The following MAGI1 variants were observed in gnomAD, a reference collection of about 807,000 sequenced individuals.
The protein encoded by MAGI1 is membrane associated guanylate kinase, WW and PDZ domain containing 1.
MAGI1 carries 58 observed loss-of-function variants against 139.9 expected under a neutral mutation model. That is an observed-to-expected ratio of 0.41 (90% CI 0.34 to 0.52). The LOEUF is 0.52. Among genes scored for constraint, MAGI1 ranks in the 20% least tolerant of loss-of-function variants. The pLI is 0.12. For synonymous variants in MAGI1, 812 were observed against 737.9 expected, an observed-to-expected ratio of 1.10 and a Z score of -1.63; for missense variants, 1,874 against 1,901.6, an observed-to-expected ratio of 0.99 and a Z score of 0.27.
chr3:65,765,558 G>A (rs1472377829), intron 1 of MAGI1, among the ~76,000 whole-genome samples: 4 of 152,240 alleles, frequency 2.6e-5, no homozygotes, highest in Non-Finnish European at 4.4e-5. Context: ...GTCAGGATTC[G>A]GGCCCAGGAC....
chr3:65,696,702 T>C (rs935204373), intron 1 of MAGI1, among the ~76,000 whole-genome samples: 1 of 152,080 alleles, frequency 6.6e-6, no homozygotes, highest in African/African-American at 2.4e-5. Flanking sequence ...AAATATACAT[T>C]TGGATTCTCA....
At chr3:65,916,670 G>A (rs549505648) in intron 1 of MAGI1, among the ~76,000 whole-genome samples, 40 of 152,090 alleles carry the variant, frequency 2.6e-4, no homozygotes, top group Admixed American at 5.9e-4. Context: ...ATTTGGGTGG[G>A]GACACAGCCA....
chr3:65,798,837 C>A (rs560821405), intron 1 of MAGI1, among the ~76,000 whole-genome samples: 6 of 152,272 alleles, frequency 3.9e-5, no homozygotes, highest in African/African-American at 1.4e-4. Flanking sequence ...GTGATGAAAT[C>A]TCTCACCATT....
At chr3:65,785,979 C>T (rs1181386320) in intron 1 of MAGI1, among the ~76,000 whole-genome samples, 1 of 151,082 alleles carries the variant, frequency 6.6e-6, no homozygotes, top group Non-Finnish European at 1.5e-5. Flanking sequence ...CTCTGTCACT[C>T]AGGCTGGAGT....
chr3:65,620,051 C>T (rs2083583649), intron 2 of MAGI1: 18 of 927,982 alleles, frequency 1.9e-5, no homozygotes, highest in South Asian at 5.0e-5. Flanking sequence ...ATTTAGCTCA[C>T]AGTCAGGTCC....
chr3:65,482,557 T>C (rs1473030235), intron 3 of MAGI1, among the ~76,000 whole-genome samples: 1 of 152,190 alleles, frequency 6.6e-6, no homozygotes, highest in East Asian at 1.9e-4. Context: ...CTCATAGGAT[T>C]ATTGTGAAAA....
At position 65,842,957 on chromosome 3, in the gene MAGI1, T is replaced by C. The variant is rs1371064463; in HGVS notation, c.313+195039A>G. 3.3e-5 allele frequency among the ~76,000 whole-genome samples: 5 copies of C among 152,156 alleles called. No homozygotes were observed. In the East Asian group the frequency reaches 9.6e-4, roughly 29 times the overall value. On this transcript the variant is annotated intron_variant, in intron 1 of 22. Coordinates refer to ENST00000402939, the MANE Select transcript of MAGI1 (RefSeq NM_001033057.2). The stretch of plus-strand genomic sequence containing the variant: ...TCCTCACCATAAATAAAATGAAAAC[T>C]GAAAAATGTCTCCCCTACCAAAAAA...
chr3:65,775,339 C>T (rs4282090), intron 1 of MAGI1, among the ~76,000 whole-genome samples: 35,344 of 151,026 alleles, frequency 0.23, 4,460 homozygotes, highest in Middle Eastern at 0.35. Flanking sequence ...GTATCAGCTA[C>T]TTGGGAGACT....
chr3:65,999,145 T>A (rs1314375018), intron 1 of MAGI1, among the ~76,000 whole-genome samples: 1 of 152,156 alleles, frequency 6.6e-6, no homozygotes, highest in Non-Finnish European at 1.5e-5. Flanking sequence ...TGTGCCATGG[T>A]GGTTTGCTGC....
At chr3:65,526,298 T>C (rs987538108) in intron 2 of MAGI1, among the ~76,000 whole-genome samples, 9 of 152,226 alleles carry the variant, frequency 5.9e-5, no homozygotes, top group African/African-American at 1.9e-4. Context: ...GGGAAGTTAC[T>C]GCCTGTAAAA....
intron 1 of MAGI1, among the ~76,000 whole-genome samples, chr3:65,852,932 G>A (rs887270622): frequency 4.8e-5 from 7 of 147,154 alleles, no homozygotes; most frequent in Admixed American, 4.3e-4. Flanking sequence ...TCAGGAGATC[G>A]AGACCATCCT....
intron 5 of MAGI1, among the ~76,000 whole-genome samples, chr3:65,468,849 T>A (rs757509638): frequency 2.6e-5 from 4 of 151,682 alleles, no homozygotes; most frequent in African/African-American, 9.7e-5. Flanking sequence ...GGCAGGAGGA[T>A]CACTTAAGCC....
intron 1 of MAGI1, among the ~76,000 whole-genome samples, chr3:65,968,038 T>C (rs1270845629): frequency 1.3e-5 from 2 of 152,172 alleles, no homozygotes; most frequent in African/African-American, 4.8e-5. Flanking sequence ...GATAAACCCT[T>C]GAACTGAAAG....
At chr3:65,393,989 A>C (rs1944161811) in intron 13 of MAGI1, among the ~76,000 whole-genome samples, 1 of 152,198 alleles carries the variant, frequency 6.6e-6, no homozygotes, top group South Asian at 2.1e-4. Flanking sequence ...AGAAAGTCTG[A>C]TAAAAGTACT....
At chr3:66,013,500 G>A (rs2067452850) in intron 1 of MAGI1, among the ~76,000 whole-genome samples, 2 of 151,366 alleles carry the variant, frequency 1.3e-5, no homozygotes, top group Admixed American at 1.3e-4. Context: ...GGTGGCTCAA[G>A]CCTGTAATCC....
chr3:65,493,522 G>A lies in MAGI1; in HGVS notation c.540C>T (p.Gly180=), dbSNP rs759283551. ...LEQSGTLLEV[G]TYEGNYYGTP... is the part of the protein sequence containing the mutation. ...GTACAAGTAACTCACCTTCATAGGT[G>A]CCGACTTCCAGAAGAGTCCCACTCT... Residue 180 remains glycine (G), a synonymous_variant, in exon 3 of 23, where the codon GGC becomes GGT. Transcript: ENST00000402939. 23 of 1,614,018 alleles carry A rather than the reference G, an allele frequency of 1.4e-5. No individual in the cohort carries two copies. The highest frequency in any genetic ancestry group is 7.6e-6 in the Non-Finnish European group (9 of 1,180,024).
At chr3:65,958,996 A>AAC (rs1258319624) in intron 1 of MAGI1, among the ~76,000 whole-genome samples, 2 of 152,014 alleles carry the variant, frequency 1.3e-5, no homozygotes, top group African/African-American at 4.8e-5. Flanking sequence ...CAAAAAAAAA[A>AAC]AACAACAAAA....
intron 2 of MAGI1, among the ~76,000 whole-genome samples, chr3:65,570,842 G>A (rs763391075): frequency 3.9e-5 from 6 of 152,142 alleles, no homozygotes; most frequent in African/African-American, 9.7e-5. Context: ...CTCCTACCCC[G>A]TTTCAGGCTG....
At chr3:65,454,558 A>AAT (rs368786306) in intron 5 of MAGI1, among the ~76,000 whole-genome samples, 7,201 of 140,452 alleles carry the variant, frequency 0.051, 238 homozygotes, top group Non-Finnish European at 0.061. Context: ...ATAATAATAA[A>AAT]AAAATACTTG....
Sources: gnomAD v4.1 joint callset for allele counts (sites outside exome capture counted in the v4.1 genomes callset) on GRCh38, gnomAD v4.1.1 for gene constraint, MANE v1.5 for transcripts, NCBI Gene and HGNC (gene_info 2026-07-23, HGNC 2026-07-21) for gene names.